PPP1R13L: variants seen among roughly 807,000 people sequenced by gnomAD.
PPP1R13L encodes the protein relA-associated inhibitor.
A neutral mutation model predicts 80.9 loss-of-function variants in PPP1R13L; 50 were observed. That is an observed-to-expected ratio of 0.62 (90% CI 0.49 to 0.78). The LOEUF (loss-of-function observed/expected upper bound fraction) is 0.78. Ranked by LOEUF, PPP1R13L falls within the 30% of genes least tolerant of loss-of-function variation. PPP1R13L has a pLI of 0.00. For synonymous variants in PPP1R13L, 602 were observed against 534.3 expected, an observed-to-expected ratio of 1.13 and a Z score of -1.75; for missense variants, 1,200 against 1,205.9, an observed-to-expected ratio of 1.00 and a Z score of 0.07.
Position 45,396,435 on chromosome 19 carries a change from G to A in PPP1R13L, c.714C>T (p.Asp238=). The change falls in exon 5 of 13, where the codon GAC becomes GAT. Residue 238 remains aspartate (D), a splice_region_variant and synonymous_variant. Transcript: ENST00000360957. The surrounding 1 kb of genome is among the most constrained non-coding windows in gnomAD (Gnocchi z 5.3). ...GAGGCCGCCGGCGCAGCGTCAGGTC[G>A]TCTGGGGAGAAGTTTCCAGGGAGGA... The part of the protein sequence containing the change: ...SAFAPPLRAQ[D]DLTLRRRPPK... 5 of 1,613,992 alleles carry A rather than the reference G, an allele frequency of 3.1e-6. No homozygotes were observed. The highest frequency in any genetic ancestry group is 2.2e-5 in the South Asian group (2 of 91,082).
chr19:45,388,410 CTG>C (rs1186618708), intron 8 of PPP1R13L, among the ~76,000 whole-genome samples: 81 of 151,632 alleles, frequency 5.3e-4, no homozygotes, highest in African/African-American at 1.9e-3. Flanking sequence ...ACTGTCTCTA[CTG>C]AAAATGTTAA....
At position 45,395,830 on chromosome 19, in the gene PPP1R13L, G is replaced by A; in HGVS notation, c.960C>T (p.Ser320=). The change falls in exon 7 of 13, where the codon AGC becomes AGT. Residue 320 remains serine (S), a synonymous_variant. Coordinates refer to ENST00000360957, the MANE Select transcript of PPP1R13L (RefSeq NM_006663.4). ...AGCTGCCCGCGTCTGAACGCCGGTC[G>A]CTGGCCAGAGGAGAGACCTTGTAAT... The part of the protein sequence containing the change: ...PRNYKVSPLA[S]DRRSDAGSYR... 4 of 1,595,980 alleles carry A rather than the reference G, an allele frequency of 2.5e-6. No homozygotes were observed. The highest frequency in any genetic ancestry group is 3.4e-6 in the Non-Finnish European group (4 of 1,173,224).
intron 11 of PPP1R13L, 129 bp from the exon 12 acceptor site, chr19:45,382,855 G>A (rs112645497): frequency 4.9e-6 from 4 of 810,352 alleles, no homozygotes; most frequent in African/African-American, 3.4e-5. Context: ...TGTTGTGTGT[G>A]CCCATGGCTG....
At chr19:45,399,519 G>T (rs1973189947) in intron 1 of PPP1R13L, among the ~76,000 whole-genome samples, 1 of 151,466 alleles carries the variant, frequency 6.6e-6, no homozygotes, top group Admixed American at 6.6e-5. Flanking sequence ...AGCTACTCGG[G>T]AGGCTGAGGC....
chr19:45,380,030 C>T lies in PPP1R13L; in HGVS notation c.*160G>A. 1 of 799,816 alleles carries T rather than the reference C, an allele frequency of 1.3e-6. No homozygotes were observed. Among genetic ancestry groups the T allele is most frequent in the South Asian group, 1.8e-5 (1 of 57,120 alleles). The allele number at this position is 799,816 out of a possible 1,614,324, so 49.5% of individuals were successfully genotyped here. ...TACTAAATTTAAGGCTGGGGCCCTC[C>T]TTCTTCCCTGGACTTCCAGGAGAAC... is the stretch of plus-strand genomic sequence containing the variant. On this transcript the variant is annotated 3_prime_UTR_variant, in exon 13 of 13. Transcript: ENST00000360957.
intron 11 of PPP1R13L, among the ~76,000 whole-genome samples, chr19:45,384,572 G>T (rs1356012203): frequency 1.3e-5 from 2 of 148,806 alleles, no homozygotes; most frequent in Non-Finnish European, 3.0e-5. Context: ...TTTCGTAGAG[G>T]TCAGGTGTGG....
In PPP1R13L at chr19:45,385,818, G is replaced by T. The variant is rs769978756; in HGVS notation, c.2081+6C>A. On this transcript the variant is annotated splice_donor_region_variant and intron_variant, in intron 10 of 12. Coordinates refer to ENST00000360957, the MANE Select transcript of PPP1R13L (RefSeq NM_006663.4). ...GACCCAGCCCACCGCGCGGGTCGGG[G>T]CTCACCAGCCGTGGCTGTCGGGGGA... The T allele has an allele frequency of 3.1e-6, 5 of 1,610,282 alleles. No individual in the cohort carries two copies. The Admixed American group carries it at 6.7e-5, about 22-fold the overall frequency.
intron 12 of PPP1R13L, among the ~76,000 whole-genome samples, chr19:45,381,363 T>G (rs1972760422): frequency 6.6e-6 from 1 of 151,740 alleles, no homozygotes; most frequent in Admixed American, 6.6e-5. Context: ...GGCCGGGCCC[T>G]CCACTTCCTT....
rs200076123 is a variant in PPP1R13L at position 45,395,811 on chromosome 19, C to G, written c.979G>C (p.Gly327Arg). The change falls in exon 7 of 13, where the codon GGC becomes CGC. Residue 327 changes from glycine to arginine, a missense_variant. Physicochemically the swap from Gly to Arg is moderately radical, Grantham distance 125. Transcript: ENST00000360957. ...PLASDRRSDA[G>R]SYRRSLGSAG... ...GAGCCCAGCGAGCGCCGGTAGCTGCCCGCGTCTGAACGCCGGTCGCTGGCC... is the reference window on the plus strand; with the variant it reads ...GAGCCCAGCGAGCGCCGGTAGCTGCGCGCGTCTGAACGCCGGTCGCTGGCC... 2.5e-6 allele frequency: 4 copies of G among 1,589,230 alleles called. No individual in the cohort carries two copies. In the East Asian group the frequency reaches 6.8e-5, roughly 27 times the overall value.
In PPP1R13L at chr19:45,382,637, G is replaced by A; in HGVS notation, c.2338C>T (p.Arg780Cys). 3.1e-6 allele frequency: 5 copies of A among 1,613,880 alleles called. No homozygotes were observed. Among genetic ancestry groups the A allele is most frequent in the Admixed American group, 3.3e-5 (2 of 60,032 alleles). ...AGCACGGTGACCGACTCGCCCTCGC[G>A]GAAGGACAGCTCGTCCCCGAACTCG... The part of the protein sequence containing the change: ...SAEFGDELSF[R>C]EGESVTVLRR... The change falls in exon 12 of 13, where the codon CGC becomes TGC. Residue 780 changes from arginine to cysteine, a missense_variant. By Grantham distance (180) the Arg-to-Cys change is radical. Transcript: ENST00000360957.
At chr19:45,382,819 G>T in intron 11 of PPP1R13L, 93 bp from the exon 12 acceptor site, 3 of 1,231,852 alleles carry the variant, frequency 2.4e-6, no homozygotes, top group Non-Finnish European at 3.5e-6. Flanking sequence ...CTGGAATTTG[G>T]CGCCTGTCCC....
chr19:45,381,203 C>T (rs996448390), intron 12 of PPP1R13L, among the ~76,000 whole-genome samples: 6 of 151,432 alleles, frequency 4.0e-5, no homozygotes, highest in African/African-American at 1.2e-4. Flanking sequence ...TACAGGCACC[C>T]GCCACCACAC....
At position 45,396,177 on chromosome 19, in the gene PPP1R13L, G is replaced by A; in HGVS notation, c.894C>T (p.Gly298=). 6.2e-7 allele frequency: 1 copy of A among 1,608,124 alleles called. No individual in the cohort carries two copies. Among genetic ancestry groups the A allele is most frequent in the South Asian group, 1.1e-5 (1 of 90,154 alleles). The change falls in exon 6 of 13, where the codon GGC becomes GGT. Residue 298 remains glycine (G), a synonymous_variant. Transcript: ENST00000360957. The surrounding 1 kb of genome is among the most constrained non-coding windows in gnomAD (Gnocchi z 5.3). ...WRESSLDGLG[G]TGKDNLTSAT... ...GGCGTCGCCTCCTCACCTTGCCGGT[G>A]CCCCCCAGTCCATCCAGGCTGCTCT...
At chr19:45,381,186 C>T (rs1302592049) in intron 12 of PPP1R13L, among the ~76,000 whole-genome samples, 2 of 151,488 alleles carry the variant, frequency 1.3e-5, no homozygotes, top group East Asian at 1.9e-4. Flanking sequence ...TCCTGATGAG[C>T]TGGGATTACA....
chr19:45,383,793 G>A (rs1972813448), intron 11 of PPP1R13L, among the ~76,000 whole-genome samples: 1 of 151,338 alleles, frequency 6.6e-6, no homozygotes, highest in Admixed American at 6.6e-5. Flanking sequence ...ACGGAGTCTT[G>A]CTCTGTCGCC....
chr19:45,384,366 C>CAA (rs770216477), intron 11 of PPP1R13L, among the ~76,000 whole-genome samples: 9,518 of 91,124 alleles, frequency 0.1, 583 homozygotes, highest in Non-Finnish European at 0.13. Context: ...ACTAAAAATA[C>CAA]AAAAAAAAAA....
In PPP1R13L at chr19:45,396,490, C is replaced by T. The variant is rs1036938703; in HGVS notation, c.713-54G>A. The T allele has an allele frequency of 1.9e-6, 3 of 1,610,274 alleles. No homozygotes were observed. The highest frequency in any genetic ancestry group is 2.5e-6 in the Non-Finnish European group (3 of 1,178,764). On this transcript the variant is annotated intron_variant, in intron 4 of 12. Transcript: ENST00000360957. This position sits in a 1 kb window ranked among gnomAD's most constrained non-coding sequence, Gnocchi z 5.3. ...ACGGGAGGGGTGGCGAGCCCCGGAT[C>T]CTGCCCGCTTTGACCCCGCGAGTCA... is the stretch of plus-strand genomic sequence containing the variant.
intron 3 of PPP1R13L, 86 bp from the exon 4 acceptor site, chr19:45,397,144 T>G: frequency 9.2e-7 from 1 of 1,081,098 alleles, no homozygotes; most frequent in Non-Finnish European, 1.2e-6. Flanking sequence ...TCAAGAGAGA[T>G]CACTGGAGGT....
intron 12 of PPP1R13L, among the ~76,000 whole-genome samples, chr19:45,380,761 G>A (rs1972746365): frequency 6.6e-6 from 1 of 151,750 alleles, no homozygotes; most frequent in Admixed American, 6.6e-5. Flanking sequence ...GGAGGCTGCA[G>A]TGAGCCAAGA....
Sources: gnomAD v4.1 joint callset for allele counts (sites outside exome capture counted in the v4.1 genomes callset) on GRCh38, gnomAD v4.1.1 for gene constraint, Gnocchi (gnomAD v3.1) non-coding constraint, MANE v1.5 for transcripts, NCBI Gene and HGNC (gene_info 2026-07-23, HGNC 2026-07-21) for gene names.